The following DIS3L2 variants were observed in gnomAD, a reference collection of about 807,000 sequenced individuals.
The protein encoded by DIS3L2 is DIS3-like exonuclease 2.
Under a neutral mutation model 97.5 loss-of-function variants are expected in DIS3L2, and 34 were observed. That is an observed-to-expected ratio of 0.35 (90% CI 0.27 to 0.46). The LOEUF is 0.46. DIS3L2 is among the 20% of genes least tolerant of loss of function. The pLI is 1.00. For synonymous variants in DIS3L2, 435 were observed against 445.2 expected, an observed-to-expected ratio of 0.98 and a Z score of 0.29; for missense variants, 1,038 against 1,146.0, an observed-to-expected ratio of 0.91 and a Z score of 1.36.
At chr2:232,135,123 A>T (rs1163508637) in intron 7 of DIS3L2, among the ~76,000 whole-genome samples, 1 of 152,142 alleles carries the variant, frequency 6.6e-6, no homozygotes, top group African/African-American at 2.4e-5. Context: ...CTGAAATCAA[A>T]TAGAAGTGAA....
intron 1 of DIS3L2, among the ~76,000 whole-genome samples, chr2:232,000,725 C>CTTTTT (rs35247478): frequency 1.1e-5 from 1 of 91,142 alleles, no homozygotes; most frequent in African/African-American, 3.9e-5. Context: ...TCTTCTTCTT[C>CTTTTT]TTTTTTTTTT....
intron 1 of DIS3L2, among the ~76,000 whole-genome samples, chr2:231,999,617 A>C (rs1473332254): frequency 6.6e-6 from 1 of 152,174 alleles, no homozygotes; most frequent in Admixed American, 6.5e-5. Context: ...GATATATAGA[A>C]AGCAGTTTTG....
intron 1 of DIS3L2, among the ~76,000 whole-genome samples, chr2:231,991,656 G>C (rs1250486407): frequency 1.3e-5 from 2 of 152,136 alleles, no homozygotes; most frequent in Non-Finnish European, 2.9e-5. Context: ...ATTTGCATTA[G>C]GGTATATTGC....
chr2:232,090,864 C>T (rs1296486345), intron 6 of DIS3L2, among the ~76,000 whole-genome samples: 1 of 152,202 alleles, frequency 6.6e-6, no homozygotes, highest in Non-Finnish European at 1.5e-5. Context: ...ATATTTATAT[C>T]TTTGTGATAA....
rs1389776500 is a variant in DIS3L2, at chr2:232,029,972, A to G, written c.265-7A>G. On this transcript the variant is annotated splice_region_variant and splice_polypyrimidine_tract_variant and intron_variant, in intron 4 of 20. Coordinates refer to ENST00000325385, the MANE Select transcript of DIS3L2 (RefSeq NM_152383.5). Reference sequence around the variant, plus strand: ...TCACTATTGTTTTATTTCTTTTTCCAACCTAGGATGGTGATCGAGACATTT... The same window carrying G: ...TCACTATTGTTTTATTTCTTTTTCCGACCTAGGATGGTGATCGAGACATTT... 2.5e-6 allele frequency: 4 copies of G among 1,578,794 alleles called. No homozygotes were observed. The East Asian group carries it at 9.3e-5, about 37-fold the overall frequency.
At position 232,336,451 on chromosome 2, in the gene DIS3L2, C is replaced by T. The variant is rs767785777; in HGVS notation, c.2497-18C>T. On this transcript the variant is annotated intron_variant, in intron 20 of 20. Coordinates refer to ENST00000325385, the MANE Select transcript of DIS3L2 (RefSeq NM_152383.5). ...AGGCCCTGCCATCCTTGTCCCCTCA[C>T]GGCTGGGCTCTGCACAGGTCATCAC... 37 of 1,603,886 alleles carry T rather than the reference C, an allele frequency of 2.3e-5. No individual in the cohort carries two copies. Among genetic ancestry groups the T allele is most frequent in the Middle Eastern group, 1.7e-4 (1 of 6,040 alleles).
intron 6 of DIS3L2, among the ~76,000 whole-genome samples, chr2:232,091,720 T>G (rs1480060918): frequency 6.6e-6 from 1 of 152,194 alleles, no homozygotes; most frequent in African/African-American, 2.4e-5. Flanking sequence ...TTGAGGAACT[T>G]CCAAACTGTT....
At chr2:232,102,424 AT>A (rs1697229742) in intron 6 of DIS3L2, among the ~76,000 whole-genome samples, 1 of 152,180 alleles carries the variant, frequency 6.6e-6, no homozygotes, top group Non-Finnish European at 1.5e-5. Context: ...ATTACCATTA[AT>A]TTTCTTAGGT....
chr2:232,140,891 C>T (rs1698492374), intron 8 of DIS3L2, among the ~76,000 whole-genome samples: 3 of 152,156 alleles, frequency 2.0e-5, no homozygotes, highest in African/African-American at 7.2e-5. Flanking sequence ...TCACATCGCC[C>T]ACATTTTTAT....
intron 5 of DIS3L2, among the ~76,000 whole-genome samples, chr2:232,075,369 C>A (rs943503750): frequency 6.6e-6 from 1 of 152,200 alleles, no homozygotes; most frequent in Non-Finnish European, 1.5e-5. Context: ...ATAAAAACTT[C>A]AGTGTTTCTT....
intron 13 of DIS3L2, among the ~76,000 whole-genome samples, chr2:232,290,126 C>G (rs1694557947): frequency 6.6e-6 from 1 of 152,200 alleles, no homozygotes; most frequent in Non-Finnish European, 1.5e-5. Context: ...AGGTGATGTT[C>G]TAACGCAGTC....
chr2:232,053,695 A>G (rs183105345), intron 5 of DIS3L2, among the ~76,000 whole-genome samples: 19 of 152,336 alleles, frequency 1.2e-4, no homozygotes, highest in African/African-American at 4.1e-4. Context: ...GGATATTGCA[A>G]AGGATGCAGA....
At chr2:232,225,621 C>T (rs1371695395) in intron 10 of DIS3L2, among the ~76,000 whole-genome samples, 2 of 152,126 alleles carry the variant, frequency 1.3e-5, no homozygotes, top group Non-Finnish European at 2.9e-5. Context: ...TGCATACATT[C>T]TATTTCGTGG....
chr2:232,272,479 G>A (rs1202471999), intron 13 of DIS3L2, among the ~76,000 whole-genome samples: 1 of 152,184 alleles, frequency 6.6e-6, no homozygotes, highest in Non-Finnish European at 1.5e-5. Context: ...TTTGGAGGGT[G>A]AAGCCGTGAG....
At chr2:232,338,915 A>G (rs1295636380), downstream of DIS3L2, among the ~76,000 whole-genome samples, 3 of 152,280 alleles carry the variant, frequency 2.0e-5, no homozygotes, top group African/African-American at 7.2e-5. Flanking sequence ...GCCCGGGCAC[A>G]GAGCGAGACT....
At chr2:232,265,176 G>A (rs1020315426) in intron 13 of DIS3L2, among the ~76,000 whole-genome samples, 1 of 152,144 alleles carries the variant, frequency 6.6e-6, no homozygotes, top group Non-Finnish European at 1.5e-5. Context: ...ACCTGCACCA[G>A]CCCCTTTGAA....
chr2:232,074,823 A>G (rs1365485154), intron 5 of DIS3L2, among the ~76,000 whole-genome samples: 2 of 152,038 alleles, frequency 1.3e-5, no homozygotes, highest in African/African-American at 4.8e-5. Flanking sequence ...AGCTCAAGTG[A>G]TCTGCCTGCC....
intron 12 of DIS3L2, among the ~76,000 whole-genome samples, chr2:232,254,252 TA>T (rs894144328): frequency 2.0e-4 from 30 of 148,500 alleles, no homozygotes; most frequent in East Asian, 1.6e-3. Flanking sequence ...ATCGGGTTAA[TA>T]AAAAAAAAGC....
At chr2:232,169,026 A>T (rs554449338) in intron 9 of DIS3L2, among the ~76,000 whole-genome samples, 1 of 152,328 alleles carries the variant, frequency 6.6e-6, no homozygotes, top group African/African-American at 2.4e-5. Context: ...TTGGTGGCAG[A>T]AGAACATGAA....
Sources: gnomAD v4.1 joint callset for allele counts (sites outside exome capture counted in the v4.1 genomes callset) on GRCh38, gnomAD v4.1.1 for gene constraint, MANE v1.5 for transcripts, NCBI Gene and HGNC (gene_info 2026-07-23, HGNC 2026-07-21) for gene names.